The following TPD52 variants were observed in gnomAD, a reference collection of about 807,000 sequenced individuals.
The protein encoded by TPD52 is tumor protein D52.
In TPD52, 17 loss-of-function variants were observed where a neutral mutation model predicts 31.3. The ratio of observed to expected loss-of-function variants is 0.54; its 90% confidence interval spans 0.37 to 0.82. The LOEUF (loss-of-function observed/expected upper bound fraction) is 0.82. Ranked by LOEUF, TPD52 falls within the 40% of genes least tolerant of loss-of-function variation. TPD52 has a pLI of 0.00. For missense variants in TPD52, 212 were observed against 240.1 expected, an observed-to-expected ratio of 0.88 and a Z score of 0.77; for synonymous variants, 83 against 89.6, an observed-to-expected ratio of 0.93 and a Z score of 0.42.
intron 3 of TPD52, chr8:80,052,576 G>A: frequency 7.8e-7 from 1 of 1,277,824 alleles, no homozygotes; most frequent in Non-Finnish European, 1.0e-6. Context: ...ACTTCTGATA[G>A]TTAAATTGTA....
At chr8:80,137,374 A>AT (rs1238638393) in intron 1 of TPD52, among the ~76,000 whole-genome samples, 2 of 151,936 alleles carry the variant, frequency 1.3e-5, no homozygotes, top group African/African-American at 4.8e-5. Flanking sequence ...GGCAAATTAT[A>AT]TATCAATAAA....
chr8:80,070,201 C>T (rs1169561209), intron 1 of TPD52, among the ~76,000 whole-genome samples: 3 of 151,990 alleles, frequency 2.0e-5, no homozygotes, highest in African/African-American at 7.3e-5. Flanking sequence ...TGGGTGCAGC[C>T]CCAACCCCCC....
intron 1 of TPD52, among the ~76,000 whole-genome samples, chr8:80,169,858 G>A (rs1257097796): frequency 2.0e-5 from 3 of 152,150 alleles, no homozygotes; most frequent in African/African-American, 7.2e-5. Flanking sequence ...TGTCTACTAT[G>A]TACAAGTCAT....
intron 1 of TPD52, among the ~76,000 whole-genome samples, chr8:80,138,679 G>C (rs1230429426): frequency 6.6e-6 from 1 of 152,136 alleles, no homozygotes; most frequent in Non-Finnish European, 1.5e-5. Flanking sequence ...ATCCAGGCCT[G>C]GGTTCTACCA....
chr8:80,074,332 T>TC (rs1814268486), intron 1 of TPD52, among the ~76,000 whole-genome samples: 1 of 152,198 alleles, frequency 6.6e-6, no homozygotes, highest in Non-Finnish European at 1.5e-5. Flanking sequence ...TCACAGGATG[T>TC]TTTTTCCCCA....
At chr8:80,108,118 G>A (rs985075536) in intron 1 of TPD52, among the ~76,000 whole-genome samples, 3 of 152,158 alleles carry the variant, frequency 2.0e-5, no homozygotes, top group Non-Finnish European at 2.9e-5. Context: ...GCAGACAAAG[G>A]AGTCCCAAAA....
At chr8:80,063,016 T>A (rs989160491) in intron 2 of TPD52, among the ~76,000 whole-genome samples, 1 of 152,058 alleles carries the variant, frequency 6.6e-6, no homozygotes, top group Non-Finnish European at 1.5e-5. Flanking sequence ...AACATGGAAC[T>A]ACCACATGAT....
At chr8:80,100,919 C>T (rs1806681866) in intron 1 of TPD52, among the ~76,000 whole-genome samples, 1 of 152,190 alleles carries the variant, frequency 6.6e-6, no homozygotes, top group Non-Finnish European at 1.5e-5. Context: ...CCAAAAACAG[C>T]CTCAGACACA....
intron 1 of TPD52, among the ~76,000 whole-genome samples, chr8:80,137,704 G>A (rs751647145): frequency 1.6e-4 from 24 of 152,140 alleles, no homozygotes; most frequent in Non-Finnish European, 1.8e-4. Context: ...CTCAGGAGTA[G>A]GACTCTTACA....
chr8:80,064,905 G>A, intron 1 of TPD52: 1 of 512,686 alleles, frequency 2.0e-6, no homozygotes, highest in Non-Finnish European at 3.7e-6. Context: ...ATCTTGCTGA[G>A]ACTTTAAATT....
intron 1 of TPD52, among the ~76,000 whole-genome samples, chr8:80,168,421 A>AG (rs767062025): frequency 6.6e-6 from 1 of 152,220 alleles, no homozygotes; most frequent in Non-Finnish European, 1.5e-5. Flanking sequence ...GGATTTTTTA[A>AG]GGGACAAATA....
chr8:80,129,452 T>C (rs1808860654), intron 1 of TPD52, among the ~76,000 whole-genome samples: 2 of 152,116 alleles, frequency 1.3e-5, no homozygotes, highest in Admixed American at 1.3e-4. Flanking sequence ...GAACAACAAA[T>C]CCTTCTACAC....
intron 7 of TPD52, among the ~76,000 whole-genome samples, chr8:80,038,687 C>G (rs1023654334): frequency 6.6e-6 from 1 of 152,142 alleles, no homozygotes; most frequent in East Asian, 1.9e-4. Context: ...AGCTTTCTAA[C>G]CCTTTAATAC....
At chr8:80,153,873 C>T (rs1301503190) in intron 1 of TPD52, among the ~76,000 whole-genome samples, 2 of 152,232 alleles carry the variant, frequency 1.3e-5, no homozygotes, top group African/African-American at 4.8e-5. Context: ...CCCTAGGAAA[C>T]ACTCCTTCAA....
chr8:80,161,083 A>T lies in TPD52; in HGVS notation c.19+10342T>A, dbSNP rs993231166. ...CTCTGTCTCAAAAAAAAGAAAAAGAAAAAAAGAAGTAAATAACTAACTTCA... is the reference window on the plus strand; with the variant it reads ...CTCTGTCTCAAAAAAAAGAAAAAGATAAAAAGAAGTAAATAACTAACTTCA... On this transcript the variant is annotated intron_variant, in intron 1 of 7. Transcript: ENST00000518937. Among the ~76,000 whole-genome samples, 11 of 152,136 alleles carry T rather than the reference A, an allele frequency of 7.2e-5. 1 individual carries two copies. The highest frequency in any genetic ancestry group is 1.3e-4 in the Non-Finnish European group (9 of 68,020).
chr8:80,130,457 T>G (rs1340369760), intron 1 of TPD52, among the ~76,000 whole-genome samples: 1 of 152,176 alleles, frequency 6.6e-6, no homozygotes, highest in African/African-American at 2.4e-5. Flanking sequence ...ATATTCTACA[T>G]GGTAACCATC....
intron 1 of TPD52, among the ~76,000 whole-genome samples, chr8:80,073,064 C>A (rs1171749920): frequency 6.6e-6 from 1 of 151,964 alleles, no homozygotes; most frequent in African/African-American, 2.4e-5. Flanking sequence ...AGATCACCCA[C>A]TGCACTCCAG....
intron 1 of TPD52, among the ~76,000 whole-genome samples, chr8:80,093,732 C>A (rs1718218061): frequency 6.6e-6 from 1 of 152,152 alleles, no homozygotes; most frequent in Non-Finnish European, 1.5e-5. Flanking sequence ...CAAATCTTGT[C>A]AATTTTTCAT....
At chr8:80,055,266 C>T (rs756850412) in intron 2 of TPD52, among the ~76,000 whole-genome samples, 2 of 152,226 alleles carry the variant, frequency 1.3e-5, no homozygotes, top group African/African-American at 4.8e-5. Context: ...TATTCCCCAC[C>T]TTTGTTGGTT....
Sources: gnomAD v4.1 joint callset for allele counts (sites outside exome capture counted in the v4.1 genomes callset) on GRCh38, gnomAD v4.1.1 for gene constraint, MANE v1.5 for transcripts, NCBI Gene and HGNC (gene_info 2026-07-23, HGNC 2026-07-21) for gene names.